DLG2: variants seen among roughly 807,000 people sequenced by gnomAD.
DLG2 encodes discs large MAGUK scaffold protein 2.
In DLG2, 45 loss-of-function variants were observed where a neutral mutation model predicts 132.5. The observed-to-expected ratio is 0.34, with a 90% CI of 0.27 to 0.44. The LOEUF (loss-of-function observed/expected upper bound fraction) is 0.44. Ranked by LOEUF, DLG2 falls within the 20% of genes least tolerant of loss-of-function variation. The probability of loss-of-function intolerance (pLI) is 1.00; values close to 1 mark genes in which losing one functional copy is unlikely to be tolerated. For missense variants in DLG2, 1,045 were observed against 1,196.9 expected (o/e 0.87, Z 1.87); for synonymous variants, 424 against 419.6 (o/e 1.01, Z -0.13).
intron 7 of DLG2, among the ~76,000 whole-genome samples, chr11:84,392,968 CAT>C (rs2098797926): frequency 6.6e-6 from 1 of 151,980 alleles, no homozygotes; most frequent in Non-Finnish European, 1.5e-5. Flanking sequence ...TCAAAATGAA[CAT>C]TTTAAAAAAA....
intron 6 of DLG2, among the ~76,000 whole-genome samples, chr11:84,808,441 C>T (rs1021516608): frequency 1.8e-4 from 27 of 151,152 alleles, no homozygotes; most frequent in African/African-American, 5.1e-4. Flanking sequence ...AAAACCAACG[C>T]GAACAGAAGG....
intron 3 of DLG2, among the ~76,000 whole-genome samples, chr11:85,332,992 CA>C (rs1225439777): frequency 6.6e-6 from 1 of 152,112 alleles, no homozygotes; most frequent in African/African-American, 2.4e-5. Context: ...TGAAAAATGT[CA>C]TTGCTAGTTT....
At chr11:84,863,644 G>A in intron 6 of DLG2, among the ~76,000 whole-genome samples, 1 of 152,056 alleles carries the variant, frequency 6.6e-6, no homozygotes, top group East Asian at 1.9e-4. Flanking sequence ...GCACCAAATG[G>A]GCTTCCATGG....
Position 83,833,767 on chromosome 11 carries a change from C to T in DLG2, c.1569G>A (p.Glu523=), listed in dbSNP as rs570064705. Reference sequence around the variant, plus strand: ...CTTTGTGCAGGACTACCTTGCGAGGCTCTCTGCAGAAAGAAATAGAGAACA... The same window carrying T: ...CTTTGTGCAGGACTACCTTGCGAGGTTCTCTGCAGAAAGAAATAGAGAACA... ...TLQRAVSLEG[E]PRKVVLHKGS... is the part of the protein sequence containing the mutation. The change falls in exon 17 of 28, where the codon GAG becomes GAA. Residue 523 remains glutamate (E), a synonymous_variant. Transcript: ENST00000376104. The T allele has an allele frequency of 9.3e-6, 15 of 1,613,282 alleles. No homozygotes were observed. The highest frequency in any genetic ancestry group is 1.6e-4 in the Middle Eastern group (1 of 6,070).
chr11:84,210,535 A>AT (rs2096739912), intron 8 of DLG2, among the ~76,000 whole-genome samples: 2 of 61,830 alleles, frequency 3.2e-5, no homozygotes, highest in Admixed American at 3.3e-4. Flanking sequence ...TTAAATTAAA[A>AT]AAAAAAAAAA....
chr11:85,487,376 C>T (rs1248720940), intron 3 of DLG2, among the ~76,000 whole-genome samples: 1 of 148,048 alleles, frequency 6.8e-6, no homozygotes, highest in East Asian at 2.0e-4. Context: ...TTTAAAGATG[C>T]TCAGTGAGAT....
chr11:83,552,086 G>A (rs1296415428), intron 19 of DLG2, among the ~76,000 whole-genome samples: 2 of 152,070 alleles, frequency 1.3e-5, no homozygotes, highest in South Asian at 2.1e-4. Context: ...CTGCCTTCAT[G>A]GATTTTACAT....
chr11:84,039,641 C>T (rs1292844867), intron 11 of DLG2, among the ~76,000 whole-genome samples: 1 of 65,664 alleles, frequency 1.5e-5, no homozygotes, highest in African/African-American at 4.4e-5. Flanking sequence ...TGGGTTGGTT[C>T]CAAGTCTTTG....
intron 3 of DLG2, among the ~76,000 whole-genome samples, chr11:85,567,152 T>C (rs774530994): frequency 2.2e-4 from 34 of 152,220 alleles, no homozygotes; most frequent in Non-Finnish European, 3.8e-4. Context: ...ATTAGCTATT[T>C]GAGACGCCCT....
chr11:84,759,583 A>G (rs1188566430), intron 6 of DLG2, among the ~76,000 whole-genome samples: 1 of 152,222 alleles, frequency 6.6e-6, no homozygotes, highest in East Asian at 1.9e-4. Flanking sequence ...GATTCCAAAA[A>G]CAAATGTTTT....
chr11:83,677,444 A>C (rs2077935741), intron 18 of DLG2, among the ~76,000 whole-genome samples: 1 of 152,162 alleles, frequency 6.6e-6, no homozygotes, highest in African/African-American at 2.4e-5. Flanking sequence ...GAGCATAGCT[A>C]ATACTGGGAA....
intron 19 of DLG2, among the ~76,000 whole-genome samples, chr11:83,625,944 T>C (rs979411189): frequency 1.3e-5 from 2 of 152,200 alleles, no homozygotes; most frequent in Non-Finnish European, 2.9e-5. Context: ...GCTTATATTT[T>C]AATATTTTCT....
At chr11:84,583,635 T>A (rs2099521892) in intron 6 of DLG2, among the ~76,000 whole-genome samples, 1 of 152,200 alleles carries the variant, frequency 6.6e-6, no homozygotes, top group Non-Finnish European at 1.5e-5. Flanking sequence ...ATAAATATTC[T>A]TGTATGGGTT....
chr11:85,415,266 G>T, intron 3 of DLG2, among the ~76,000 whole-genome samples: 1 of 152,166 alleles, frequency 6.6e-6, no homozygotes, highest in East Asian at 1.9e-4. Context: ...ACATTTATGG[G>T]CATTTGGGTT....
At chr11:83,762,369 C>G (rs1457140236) in intron 18 of DLG2, among the ~76,000 whole-genome samples, 1 of 152,200 alleles carries the variant, frequency 6.6e-6, no homozygotes, top group Non-Finnish European at 1.5e-5. Context: ...GTGGACCATT[C>G]TATTCAAGTT....
intron 11 of DLG2, among the ~76,000 whole-genome samples, chr11:83,982,993 A>C (rs2092931274): frequency 6.6e-6 from 1 of 152,136 alleles, no homozygotes. Context: ...GTAGTAGTCT[A>C]TTCTATTTCA....
At chr11:85,103,316 G>C (rs944440208) in intron 6 of DLG2, among the ~76,000 whole-genome samples, 3 of 151,870 alleles carry the variant, frequency 2.0e-5, no homozygotes, top group African/African-American at 4.8e-5. Context: ...TCTTGGAAAA[G>C]AACAGAGTTG....
At chr11:83,976,422 T>G (rs774513253) in intron 12 of DLG2, among the ~76,000 whole-genome samples, 1 of 151,888 alleles carries the variant, frequency 6.6e-6, no homozygotes. Context: ...CATCATAGAA[T>G]CTAAATCATT....
chr11:85,280,225 T>C lies in DLG2; in HGVS notation c.186+4995A>G, dbSNP rs551215901. Among the ~76,000 whole-genome samples the C allele has an allele frequency of 2.0e-4, 30 of 152,172 alleles. 2 individuals carry two copies. Among genetic ancestry groups the C allele is most frequent in the African/African-American group, 7.2e-4 (30 of 41,542 alleles). ...CGTAACAGGACTTTCCACAAGATCA[T>C]TATCAATATAAGTGCTCTTTATGGA... On this transcript the variant is annotated intron_variant, in intron 4 of 27. Transcript: ENST00000376104.
Sources: allele counts gnomAD v4.1 joint callset (sites outside exome capture counted in the v4.1 genomes callset), GRCh38; gene constraint gnomAD v4.1.1; transcripts MANE v1.5; gene names NCBI Gene and HGNC (gene_info 2026-07-23, HGNC 2026-07-21).